SYN2: variants seen among roughly 807,000 people sequenced by gnomAD.
SYN2 encodes synapsin-2.
A neutral mutation model predicts 50.9 loss-of-function variants in SYN2; 19 were observed. That is an observed-to-expected ratio of 0.37 (90% CI 0.26 to 0.55). The LOEUF (loss-of-function observed/expected upper bound fraction) is 0.55. Among genes scored for constraint, SYN2 ranks in the 20% least tolerant of loss-of-function variants. The probability of loss-of-function intolerance (pLI) is 0.81; values close to 1 mark genes in which losing one functional copy is unlikely to be tolerated. For synonymous variants in SYN2, 255 were observed against 224.9 expected (o/e 1.13, Z -1.20); for missense variants, 587 against 576.4 (o/e 1.02, Z -0.19).
chr3:12,140,401 A>G (rs1266716731), intron 1 of SYN2, among the ~76,000 whole-genome samples: 1 of 152,214 alleles, frequency 6.6e-6, no homozygotes, highest in Admixed American at 6.5e-5. Context: ...CCAAAAGACC[A>G]GAGATGTTAT....
intron 11 of SYN2, chr3:12,184,796 C>T: frequency 1.0e-6 from 1 of 985,944 alleles, no homozygotes; most frequent in Non-Finnish European, 1.2e-6. Context: ...ATCTTGCCAT[C>T]TCCCGGCCAG....
At chr3:12,112,994 A>T (rs1350131695) in intron 1 of SYN2, among the ~76,000 whole-genome samples, 4 of 152,198 alleles carry the variant, frequency 2.6e-5, no homozygotes, top group Non-Finnish European at 5.9e-5. Context: ...TGAATGAAGG[A>T]ACTGTCAAGA....
At chr3:12,013,213 C>T (rs934721920) in intron 1 of SYN2, among the ~76,000 whole-genome samples, 2 of 152,222 alleles carry the variant, frequency 1.3e-5, no homozygotes, top group African/African-American at 4.8e-5. Context: ...AAGTGATCCT[C>T]CTGCCTCAGC....
intron 1 of SYN2, chr3:12,071,436 C>G (rs1695353348): frequency 1.9e-6 from 1 of 516,644 alleles, no homozygotes; most frequent in South Asian, 1.5e-5. Flanking sequence ...CTGGCAAATG[C>G]ATACACTTCA....
rs1229524056 is a variant in SYN2, at chr3:12,190,716, A to G, written c.*91A>G. ...TCAGCCAGCTTGGTGGTTATGTCCC[A>G]TGACCTTGACGTGTGTGGTCCCTTC... On this transcript the variant is annotated 3_prime_UTR_variant, in exon 13 of 13. Coordinates refer to ENST00000621198, the MANE Select transcript of SYN2 (RefSeq NM_133625.6). 4 of 1,543,682 alleles carry G rather than the reference A, an allele frequency of 2.6e-6. No homozygotes were observed. The highest frequency in any genetic ancestry group is 2.5e-5 in the South Asian group (2 of 79,110).
chr3:12,117,051 C>T (rs572164809), intron 1 of SYN2, among the ~76,000 whole-genome samples: 105 of 152,234 alleles, frequency 6.9e-4, no homozygotes, highest in Non-Finnish European at 1.2e-3. Context: ...ACACCCAGCC[C>T]GTCTAAGGCA....
chr3:12,055,710 G>T (rs1488006258), intron 1 of SYN2, among the ~76,000 whole-genome samples: 1 of 152,084 alleles, frequency 6.6e-6, no homozygotes, highest in South Asian at 2.1e-4. Context: ...CTGGGTATTT[G>T]GTGGTTCTTT....
At chr3:12,027,980 C>CT (rs147917648) in intron 1 of SYN2, among the ~76,000 whole-genome samples, 6 of 145,920 alleles carry the variant, frequency 4.1e-5, no homozygotes, top group African/African-American at 1.0e-4. Flanking sequence ...TGCTCTACTT[C>CT]TTTTTTTTAT....
chr3:12,157,397 G>A (rs752961762), intron 5 of SYN2: 2 of 1,614,014 alleles, frequency 1.2e-6, no homozygotes, highest in South Asian at 1.1e-5. Context: ...TTATCTGTTT[G>A]ATTTCATACC....
chr3:12,004,629 G>T lies in SYN2; in HGVS notation c.78G>T (p.Leu26=), dbSNP rs371730553. 1.6e-4 allele frequency: 88 copies of T among 538,762 alleles called. No homozygotes were observed. Among genetic ancestry groups the T allele is most frequent in the African/African-American group, 1.6e-3 (79 of 50,958 alleles). The allele number at this position is 538,762 out of a possible 1,614,324, so 33.4% of individuals were successfully genotyped here. The change falls in exon 1 of 13, where the codon CTG becomes CTT. Residue 26 remains leucine, a synonymous_variant. Transcript: ENST00000621198. The part of the protein sequence containing the change: ...ANLPNGYMTD[L]QRPEPQQPPP... ...TGCCCAACGGCTACATGACCGACCTGCAGCGGCCCGAGCCCCAGCAGCCGC... is the reference window on the plus strand; with the variant it reads ...TGCCCAACGGCTACATGACCGACCTTCAGCGGCCCGAGCCCCAGCAGCCGC...
chr3:12,064,897 G>A (rs1020510502), intron 1 of SYN2, among the ~76,000 whole-genome samples: 8 of 152,168 alleles, frequency 5.3e-5, no homozygotes, highest in Admixed American at 4.6e-4. Flanking sequence ...TTTAAAACAC[G>A]TGTTCACCCA....
intron 1 of SYN2, among the ~76,000 whole-genome samples, chr3:12,055,374 A>C (rs1278582660): frequency 6.6e-6 from 1 of 152,270 alleles, no homozygotes; most frequent in South Asian, 2.1e-4. Context: ...TTTGAAGAAA[A>C]CTTTTATTTT....
chr3:12,004,527 G>A lies in SYN2; in HGVS notation c.-25G>A. ...CCGCGCCACCAGACCCCGTAGCCCC[G>A]CGCGCCCCCAGCCCTTTAAGCCAGA... is the stretch of plus-strand genomic sequence containing the variant. On this transcript the variant is annotated 5_prime_UTR_variant, in exon 1 of 13. Coordinates refer to ENST00000621198, the MANE Select transcript of SYN2 (RefSeq NM_133625.6). 1 of 579,424 alleles carries A rather than the reference G, an allele frequency of 1.7e-6. No homozygotes were observed. The highest frequency in any genetic ancestry group is 3.2e-6 in the Non-Finnish European group (1 of 311,986). The allele number at this position is 579,424 out of a possible 1,614,324, so 35.9% of individuals were successfully genotyped here.
chr3:12,028,121 G>C (rs571925070), intron 1 of SYN2, among the ~76,000 whole-genome samples: 47 of 135,790 alleles, frequency 3.5e-4, no homozygotes, highest in Middle Eastern at 5.1e-3. Flanking sequence ...GAGAATATGC[G>C]GTGTTTGGTT....
intron 1 of SYN2, among the ~76,000 whole-genome samples, chr3:12,008,544 A>G (rs1693848386): frequency 6.6e-6 from 1 of 152,234 alleles, no homozygotes; most frequent in African/African-American, 2.4e-5. Context: ...GCATTTGAAT[A>G]AGATCCCCAG....
At chr3:12,051,477 C>T (rs1319535672) in intron 1 of SYN2, among the ~76,000 whole-genome samples, 1 of 148,572 alleles carries the variant, frequency 6.7e-6, no homozygotes, top group Non-Finnish European at 1.5e-5. Context: ...TCGTAGTGGT[C>T]TGTTTCTCAA....
chr3:12,187,635 CTCCCT>C (rs1698370764), intron 12 of SYN2, 23 bp downstream of exon 12: 1 of 1,521,144 alleles, frequency 6.6e-7, no homozygotes, highest in South Asian at 1.2e-5. Context: ...TCAGCAGCTC[CTCCCT>C]CCCCTCCTCC....
intron 1 of SYN2, among the ~76,000 whole-genome samples, chr3:12,122,165 A>G (rs1419131951): frequency 2.0e-5 from 3 of 152,234 alleles, no homozygotes; most frequent in African/African-American, 7.2e-5. Context: ...AAATTTAATC[A>G]TCACAGTAGG....
chr3:12,027,554 A>G (rs1005202093), intron 1 of SYN2, among the ~76,000 whole-genome samples: 1 of 152,190 alleles, frequency 6.6e-6, no homozygotes, highest in African/African-American at 2.4e-5. Context: ...CCATTTTACA[A>G]AACACTGAGA....
Sources: allele counts gnomAD v4.1 joint callset (sites outside exome capture counted in the v4.1 genomes callset), GRCh38; gene constraint gnomAD v4.1.1; transcripts MANE v1.5; gene names NCBI Gene and HGNC (gene_info 2026-07-23, HGNC 2026-07-21).